SLC25A25: variants seen among roughly 807,000 people sequenced by gnomAD.
The protein encoded by SLC25A25 is solute carrier family 25 member 25.
A neutral mutation model predicts 57.7 loss-of-function variants in SLC25A25; 32 were observed. That is an observed-to-expected ratio of 0.55 (90% confidence interval 0.42 to 0.74). The LOEUF (loss-of-function observed/expected upper bound fraction) is 0.74, where lower values mean the gene tolerates loss of function less well. Among genes scored for constraint, SLC25A25 ranks in the 30% least tolerant of loss-of-function variants. The pLI, the probability that SLC25A25 is intolerant of heterozygous loss-of-function variation, is 0.00. For missense variants in SLC25A25, 556 were observed against 701.3 expected, an observed-to-expected ratio of 0.79 and a Z score of 2.34; for synonymous variants, 306 against 291.2, an observed-to-expected ratio of 1.05 and a Z score of -0.52.
chr9:128,098,843 GT>G, intron 1 of SLC25A25: 1 of 1,513,180 alleles, frequency 6.6e-7, no homozygotes, highest in Non-Finnish European at 8.8e-7. Context: ...AAATGTAGCA[GT>G]TTTTTCCCAT....
chr9:128,068,268 C>G lies in SLC25A25; in HGVS notation c.-52C>G. ...GGCTTGCCTCCCGCGCGGTCACCGC[C>G]GGCCCGCCGCCCCCGCTCCCGCCCG... is the stretch of plus-strand genomic sequence containing the variant. On this transcript the variant is annotated 5_prime_UTR_variant, in exon 1 of 11. Transcript: ENST00000373069. 2 of 1,133,960 alleles carry G rather than the reference C, an allele frequency of 1.8e-6. No individual in the cohort carries two copies. The highest frequency in any genetic ancestry group is 2.2e-6 in the Non-Finnish European group (2 of 889,808). The allele number at this position is 1,133,960 out of a possible 1,614,324, so 70.2% of individuals were successfully genotyped here.
intron 1 of SLC25A25, among the ~76,000 whole-genome samples, chr9:128,086,256 G>A (rs1292720066): frequency 6.6e-6 from 1 of 151,610 alleles, no homozygotes; most frequent in Non-Finnish European, 1.5e-5. Context: ...TGAACTTGTG[G>A]GCTCAAGCAA....
intron 6 of SLC25A25, among the ~76,000 whole-genome samples, chr9:128,104,832 ATTATT>A (rs1227126915): frequency 4.1e-3 from 4 of 964 alleles, no homozygotes; most frequent in Non-Finnish European, 0.033. Flanking sequence ...ATTTTTAAAA[ATTATT>A]ATTATTATTA....
chr9:128,082,345 C>T (rs1241121756), intron 1 of SLC25A25, among the ~76,000 whole-genome samples: 2 of 152,166 alleles, frequency 1.3e-5, no homozygotes, highest in Non-Finnish European at 2.9e-5. Context: ...GTTGTGGCTC[C>T]TCTTCATTGT....
chr9:128,089,456 A>G (rs1373276895), intron 1 of SLC25A25, among the ~76,000 whole-genome samples: 2 of 152,158 alleles, frequency 1.3e-5, no homozygotes, highest in Non-Finnish European at 2.9e-5. Flanking sequence ...CTAATAAGTG[A>G]TGGCCAGGAT....
At chr9:128,087,721 G>A (rs1199997078) in intron 1 of SLC25A25, among the ~76,000 whole-genome samples, 2 of 152,106 alleles carry the variant, frequency 1.3e-5, no homozygotes, top group Admixed American at 6.6e-5. Flanking sequence ...GCTCACCAGT[G>A]CTCTGTTTGT....
chr9:128,068,721 C>A (rs937596892), intron 1 of SLC25A25, 141 bp downstream of exon 1: 7 of 943,190 alleles, frequency 7.4e-6, no homozygotes, highest in South Asian at 3.0e-5. Flanking sequence ...TGAGGGACAC[C>A]CCACTTATGC....
chr9:128,091,613 T>TG (rs1484178590), intron 1 of SLC25A25: 19 of 1,159,502 alleles, frequency 1.6e-5, no homozygotes, highest in Admixed American at 4.6e-5. Flanking sequence ...GAGTTTTTAT[T>TG]GAAGAAGCTC....
intron 1 of SLC25A25, chr9:128,091,945 C>A (rs749474220): frequency 1.2e-6 from 2 of 1,613,824 alleles, no homozygotes; most frequent in Non-Finnish European, 1.7e-6. Flanking sequence ...GAGAGGGGGA[C>A]GATCGTGAAG....
chr9:128,076,763 C>T (rs1233877408), intron 1 of SLC25A25, among the ~76,000 whole-genome samples: 2 of 152,160 alleles, frequency 1.3e-5, no homozygotes, highest in South Asian at 2.1e-4. Context: ...CCACCACACC[C>T]GGCCCTAACT....
At position 128,106,057 on chromosome 9, in the gene SLC25A25, A is replaced by G. The variant is rs571857606; in HGVS notation, c.937-93A>G. On this transcript the variant is annotated intron_variant, in intron 7 of 10. Transcript: ENST00000373069. Reference sequence around the variant, plus strand: ...CGAGTTCCTTACATTTCTGGGTAGCATAAAATGTGCCGGGGACTCCTGGAA... The same window carrying G: ...CGAGTTCCTTACATTTCTGGGTAGCGTAAAATGTGCCGGGGACTCCTGGAA... 8 of 1,563,140 alleles carry G rather than the reference A, an allele frequency of 5.1e-6. No individual in the cohort carries two copies. The South Asian group carries it at 6.8e-5, about 13-fold the overall frequency.
At chr9:128,085,280 A>C (rs1833250444) in intron 1 of SLC25A25, among the ~76,000 whole-genome samples, 1 of 151,732 alleles carries the variant, frequency 6.6e-6, no homozygotes, top group South Asian at 2.1e-4. Context: ...GTAGTGAACC[A>C]AGATCACACC....
chr9:128,107,312 C>T lies in SLC25A25; in HGVS notation c.1416C>T (p.Ile472=). The change falls in exon 11 of 11, where the codon ATC becomes ATT. Residue 472 remains isoleucine (I), a synonymous_variant. Transcript: ENST00000373069. ...EVTMSSLFKH[I]LRTEGAFGLY... ...CCATGAGCAGCCTCTTCAAACATAT[C>T]CTGCGGACCGAGGGGGCCTTCGGGC... 1 of 1,558,956 alleles carries T rather than the reference C, an allele frequency of 6.4e-7. No individual in the cohort carries two copies.
intron 6 of SLC25A25, among the ~76,000 whole-genome samples, chr9:128,104,353 G>A (rs529131070): frequency 2.8e-4 from 43 of 152,200 alleles, no homozygotes; most frequent in Non-Finnish European, 1.3e-4. Context: ...CCCCTTGCCC[G>A]TACCTAGTAC....
At chr9:128,089,634 CTTTT>C (rs11307596) in intron 1 of SLC25A25, among the ~76,000 whole-genome samples, 2 of 126,292 alleles carry the variant, frequency 1.6e-5, no homozygotes, top group Admixed American at 7.9e-5. Context: ...TCCAGATTGT[CTTTT>C]TTTTTTTTTT....
At chr9:128,073,151 G>T (rs370554263) in intron 1 of SLC25A25, among the ~76,000 whole-genome samples, 132 of 152,304 alleles carry the variant, frequency 8.7e-4, no homozygotes, top group Middle Eastern at 3.4e-3. Flanking sequence ...TCATTTGATC[G>T]CAAGGAAATT....
In SLC25A25 at chr9:128,107,496, G is replaced by T; in HGVS notation, c.*52G>T. 1 of 1,494,066 alleles carries T rather than the reference G, an allele frequency of 6.7e-7. No homozygotes were observed. The highest frequency in any genetic ancestry group is 1.4e-5 in the South Asian group (1 of 71,552). 92.6% of individuals were successfully genotyped at this position (1,494,066 alleles called of 1,614,324 possible). On this transcript the variant is annotated 3_prime_UTR_variant, in exon 11 of 11. Transcript: ENST00000373069. Reference sequence around the variant, plus strand: ...CTCGCTGATCCTGGGCCGCAGCCTGGGGTGTGCAGCCATCTCATTCTGTGA... The same window carrying T: ...CTCGCTGATCCTGGGCCGCAGCCTGTGGTGTGCAGCCATCTCATTCTGTGA...
Position 128,101,294 on chromosome 9 carries a change from C to T in SLC25A25, c.389-15C>T. 6.2e-7 allele frequency: 1 copy of T among 1,614,254 alleles called. No homozygotes were observed. Among genetic ancestry groups the T allele is most frequent in the East Asian group, 2.2e-5 (1 of 44,888 alleles). On this transcript the variant is annotated splice_polypyrimidine_tract_variant and intron_variant, in intron 2 of 10. Coordinates refer to ENST00000373069, the MANE Select transcript of SLC25A25 (RefSeq NM_001330988.2). The surrounding 1 kb of genome is among the most constrained non-coding windows in gnomAD (Gnocchi z 4.9). Reference sequence around the variant, plus strand: ...CCGTGCGCCTGGCTCCTGCTCACGGCCTCTGTTCTTGCAGGACGCATTGAC... The same window carrying T: ...CCGTGCGCCTGGCTCCTGCTCACGGTCTCTGTTCTTGCAGGACGCATTGAC...
At chr9:128,092,664 C>T (rs1833443752) in intron 1 of SLC25A25, among the ~76,000 whole-genome samples, 1 of 152,164 alleles carries the variant, frequency 6.6e-6, no homozygotes. Context: ...CGCTGCGGGT[C>T]TGCCAACTGT....
Sources: gnomAD v4.1 joint callset for allele counts (sites outside exome capture counted in the v4.1 genomes callset) on GRCh38, gnomAD v4.1.1 for gene constraint, Gnocchi (gnomAD v3.1) non-coding constraint, MANE v1.5 for transcripts, NCBI Gene and HGNC (gene_info 2026-07-23, HGNC 2026-07-21) for gene names.